The following KSR2 variants were observed in gnomAD, a reference collection of about 807,000 sequenced individuals.
KSR2 encodes kinase suppressor of ras 2.
A neutral mutation model predicts 107.8 loss-of-function variants in KSR2; 25 were observed. The observed-to-expected ratio is 0.23, with a 90% CI of 0.17 to 0.32. The LOEUF (loss-of-function observed/expected upper bound fraction) is 0.32, where lower values mean the gene tolerates loss of function less well. KSR2 is among the 10% of genes least tolerant of loss of function. The pLI is 1.00. For synonymous variants in KSR2, 480 were observed against 507.0 expected, an observed-to-expected ratio of 0.95 and a Z score of 0.71; for missense variants, 887 against 1,268.9, an observed-to-expected ratio of 0.70 and a Z score of 4.57.
At chr12:117,690,867 C>A (rs1427570709) in intron 4 of KSR2, among the ~76,000 whole-genome samples, 2 of 152,180 alleles carry the variant, frequency 1.3e-5, no homozygotes, top group Non-Finnish European at 2.9e-5. Flanking sequence ...TGCTCTGTAT[C>A]CAGAGACCTA....
rs555971227 is a variant in KSR2 at position 117,557,446 on chromosome 12, C to A, written c.1393+1060G>T. On this transcript the variant is annotated intron_variant, in intron 8 of 19. Coordinates refer to ENST00000339824, the MANE Select transcript of KSR2 (RefSeq NM_173598.6). ...CTTTAAGGTGCATAGGAATTCCCTG[C>A]AGATCCTGTTTAAAAAGCAGATTCT... Among the ~76,000 whole-genome samples the A allele has an allele frequency of 6.2e-4, 94 of 152,308 alleles. 1 individual carries two copies. The highest frequency in any genetic ancestry group is 3.4e-3 in the Middle Eastern group (1 of 294).
rs539883940 is a variant in KSR2, at chr12:117,740,978, G to A, written c.986+20033C>T. ...ATCATCCATCTGAGATGAAGAGGAA[G>A]CGGTGAGGAGGGAAAGATATAGCTG... On this transcript the variant is annotated intron_variant, in intron 4 of 19. Transcript: ENST00000339824. Among the ~76,000 whole-genome samples the A allele has an allele frequency of 1.3e-4, 20 of 152,274 alleles. No individual in the cohort carries two copies. In the South Asian group the frequency reaches 2.3e-3, roughly 17 times the overall value.
intron 9 of KSR2, among the ~76,000 whole-genome samples, chr12:117,547,019 A>G (rs897435974): frequency 1.3e-5 from 2 of 152,140 alleles, no homozygotes; most frequent in East Asian, 3.9e-4. Flanking sequence ...TTCTTTTTCT[A>G]TTCAGCTTGA....
chr12:117,472,352 T>C (rs928008107), intron 17 of KSR2, among the ~76,000 whole-genome samples: 1 of 152,240 alleles, frequency 6.6e-6, no homozygotes, highest in South Asian at 2.1e-4. Context: ...AGGTGGTGCA[T>C]AAATGATGCT....
intron 14 of KSR2, among the ~76,000 whole-genome samples, chr12:117,505,256 G>A (rs1233104105): frequency 6.6e-6 from 1 of 152,132 alleles, no homozygotes; most frequent in African/African-American, 2.4e-5. Flanking sequence ...CACCAACGTG[G>A]AAGCTATCAC....
intron 3 of KSR2, among the ~76,000 whole-genome samples, chr12:117,800,750 T>C (rs568297894): frequency 3.3e-5 from 5 of 152,138 alleles, no homozygotes; most frequent in Admixed American, 6.5e-5. Flanking sequence ...TCCCTCCCCT[T>C]TTCCCCCACC....
chr12:117,538,943 G>T (rs1440118090), intron 10 of KSR2, among the ~76,000 whole-genome samples: 1 of 152,076 alleles, frequency 6.6e-6, no homozygotes, highest in African/African-American at 2.4e-5. Flanking sequence ...GACCCTGGAA[G>T]AGATGGGGAG....
At chr12:117,602,729 G>A (rs764939027) in intron 5 of KSR2, among the ~76,000 whole-genome samples, 1 of 152,122 alleles carries the variant, frequency 6.6e-6, no homozygotes, top group Non-Finnish European at 1.5e-5. Flanking sequence ...ATAGGTATTT[G>A]TTTGAAAACC....
intron 16 of KSR2, among the ~76,000 whole-genome samples, chr12:117,478,590 G>A (rs878857316): frequency 1.2e-4 from 18 of 151,822 alleles, no homozygotes; most frequent in African/African-American, 2.9e-4. Flanking sequence ...GTGAGCAACC[G>A]CACCCTGCTA....
chr12:117,855,067 A>C (rs889008758), intron 3 of KSR2, among the ~76,000 whole-genome samples: 1 of 152,172 alleles, frequency 6.6e-6, no homozygotes, highest in Non-Finnish European at 1.5e-5. Flanking sequence ...TTAAAAAAAA[A>C]ATTAGAAGCT....
At chr12:117,896,635 T>C (rs1894520258) in intron 1 of KSR2, among the ~76,000 whole-genome samples, 2 of 152,008 alleles carry the variant, frequency 1.3e-5, no homozygotes, top group African/African-American at 4.8e-5. Context: ...AATTTTTGTA[T>C]TTTTAGTAGA....
intron 7 of KSR2, among the ~76,000 whole-genome samples, chr12:117,574,111 G>A (rs1173175874): frequency 3.3e-5 from 5 of 152,138 alleles, no homozygotes; most frequent in Admixed American, 6.5e-5. Context: ...GCATGGCCTG[G>A]GAACTTGATA....
At chr12:117,863,418 C>T (rs942171441) in intron 1 of KSR2, among the ~76,000 whole-genome samples, 6 of 152,210 alleles carry the variant, frequency 3.9e-5, no homozygotes, top group Admixed American at 2.6e-4. Context: ...TTCCCAGCCA[C>T]ACCCATCATC....
At chr12:117,659,429 A>T (rs1884327862) in intron 5 of KSR2, among the ~76,000 whole-genome samples, 1 of 152,188 alleles carries the variant, frequency 6.6e-6, no homozygotes, top group Non-Finnish European at 1.5e-5. Context: ...ATGCACACAC[A>T]CATACAGCTC....
At chr12:117,557,811 G>A (rs1012927022) in intron 8 of KSR2, among the ~76,000 whole-genome samples, 2 of 152,160 alleles carry the variant, frequency 1.3e-5, no homozygotes, top group Non-Finnish European at 1.5e-5. Flanking sequence ...GAGTTTGGGG[G>A]TGATCACCCC....
At chr12:117,468,758 G>A (rs1044916615) in intron 19 of KSR2, among the ~76,000 whole-genome samples, 1 of 152,220 alleles carries the variant, frequency 6.6e-6, no homozygotes, top group Non-Finnish European at 1.5e-5. Flanking sequence ...GTGTGTATGT[G>A]TCTGAGTCTG....
chr12:117,679,577 C>T (rs1327482044), intron 4 of KSR2, among the ~76,000 whole-genome samples: 3 of 152,168 alleles, frequency 2.0e-5, no homozygotes, highest in East Asian at 1.9e-4. Flanking sequence ...TTGACACCTG[C>T]TATAAGGGTA....
chr12:117,510,025 A>T (rs1068929), intron 14 of KSR2, among the ~76,000 whole-genome samples: 17,140 of 152,216 alleles, frequency 0.11, 1,057 homozygotes, highest in East Asian at 0.24. Context: ...GAGACTACAG[A>T]GGCGCTGACT....
At chr12:117,806,531 A>C (rs950550310) in intron 3 of KSR2, among the ~76,000 whole-genome samples, 1 of 152,168 alleles carries the variant, frequency 6.6e-6, no homozygotes, top group Non-Finnish European at 1.5e-5. Flanking sequence ...CAAAACATGA[A>C]ATTGACCATT....
Sources: allele counts gnomAD v4.1 joint callset (sites outside exome capture counted in the v4.1 genomes callset), GRCh38; gene constraint gnomAD v4.1.1; transcripts MANE v1.5; gene names NCBI Gene and HGNC (gene_info 2026-07-23, HGNC 2026-07-21).